Variants in MIR2052HG observed in about 807,000 individuals in gnomAD.
MIR2052HG encodes the protein MIR2052 host gene.
At chr8:74,742,829 A>C (rs2128755882) in intron 4 of MIR2052HG, among the ~76,000 whole-genome samples, 1 of 152,216 alleles carries the variant, frequency 6.6e-6, no homozygotes, top group African/African-American at 2.4e-5. Flanking sequence ...AGATGGTTGA[A>C]CTCATGACAT....
At chr8:74,725,138 A>G (rs2128754359) in intron 4 of MIR2052HG, among the ~76,000 whole-genome samples, 1 of 152,348 alleles carries the variant, frequency 6.6e-6, no homozygotes, top group South Asian at 2.1e-4. Flanking sequence ...AAAAGGTATT[A>G]AAAAGTAACA....
At chr8:74,748,934 GT>G (rs1809915012) in intron 4 of MIR2052HG, among the ~76,000 whole-genome samples, 1 of 152,154 alleles carries the variant, frequency 6.6e-6, no homozygotes, top group African/African-American at 2.4e-5. Context: ...GGCTTGTTGA[GT>G]TTTACAAAGT....
intron 2 of MIR2052HG, among the ~76,000 whole-genome samples, chr8:74,680,957 G>GC (rs1809117397): frequency 6.8e-6 from 1 of 147,596 alleles, no homozygotes; most frequent in Admixed American, 6.8e-5. Flanking sequence ...GTAAACTATC[G>GC]CAAGAACAAA....
In MIR2052HG at chr8:74,645,687, C is replaced by T. The variant is rs114394186; in HGVS notation, n.216+32747C>T. ...ATTGACTTGAAACTTAAAGCCCAAA[C>T]GGGTTTACTGGTAGCAGAATTATCT... On this transcript the variant is annotated intron_variant and non_coding_transcript_variant, in intron 2 of 6. Coordinates refer to ENST00000523442, the Ensembl canonical transcript of MIR2052HG. Among the ~76,000 whole-genome samples, 903 of 152,310 alleles carry T rather than the reference C, an allele frequency of 5.9e-3. 9 individuals carry two copies. Among genetic ancestry groups the T allele is most frequent in the African/African-American group, 0.02 (827 of 41,562 alleles).
intron 2 of MIR2052HG, among the ~76,000 whole-genome samples, chr8:74,690,021 C>T (rs990978561): frequency 5.3e-5 from 8 of 151,728 alleles, no homozygotes; most frequent in Non-Finnish European, 1.0e-4. Flanking sequence ...AGAAGAGCAC[C>T]AGAAAATAAG....
At chr8:74,638,802 G>A (rs539393292) in intron 2 of MIR2052HG, among the ~76,000 whole-genome samples, 1 of 152,272 alleles carries the variant, frequency 6.6e-6, no homozygotes, top group South Asian at 2.1e-4. Flanking sequence ...GAACTAAGTG[G>A]CGAACTAAGT....
At chr8:74,685,398 G>A (rs1348831455) in intron 2 of MIR2052HG, among the ~76,000 whole-genome samples, 1 of 152,058 alleles carries the variant, frequency 6.6e-6, no homozygotes, top group Non-Finnish European at 1.5e-5. Flanking sequence ...GATCGCAGCT[G>A]GTTGCTTTAT....
chr8:74,733,444 G>T (rs1341859455), intron 4 of MIR2052HG, among the ~76,000 whole-genome samples: 1 of 151,726 alleles, frequency 6.6e-6, no homozygotes, highest in Non-Finnish European at 1.5e-5. Context: ...GTATTCCATG[G>T]TGTATATGTG....
chr8:74,712,009 C>T (rs1380902271), intron 4 of MIR2052HG, among the ~76,000 whole-genome samples: 2 of 152,100 alleles, frequency 1.3e-5, no homozygotes, highest in East Asian at 3.9e-4. Context: ...GTTAGTCCTC[C>T]ACCCTGAGAA....
chr8:74,718,571 T>A (rs1388952915), intron 4 of MIR2052HG, among the ~76,000 whole-genome samples: 1 of 152,150 alleles, frequency 6.6e-6, no homozygotes, highest in Non-Finnish European at 1.5e-5. Context: ...CACAAACTGA[T>A]GTGCAGAACT....
At chr8:74,657,278 G>T (rs1808816831) in intron 2 of MIR2052HG, among the ~76,000 whole-genome samples, 1 of 152,226 alleles carries the variant, frequency 6.6e-6, no homozygotes, top group Admixed American at 6.5e-5. Flanking sequence ...AGTCTGGGGA[G>T]TGAGGATGGG....
chr8:74,682,249 G>A (rs1809133752), intron 2 of MIR2052HG, among the ~76,000 whole-genome samples: 1 of 152,110 alleles, frequency 6.6e-6, no homozygotes, highest in South Asian at 2.1e-4. Context: ...TCAGGATATA[G>A]AAAAGTTTTT....
At position 74,731,672 on chromosome 8, in the gene MIR2052HG, A is replaced by G. The variant is rs75377323; in HGVS notation, n.372-20769A>G. 8.5e-3 allele frequency among the ~76,000 whole-genome samples: 1,300 copies of G among 152,242 alleles called. 17 individuals carry two copies. The highest frequency in any genetic ancestry group is 0.029 in the African/African-American group (1,217 of 41,528). The stretch of plus-strand genomic sequence containing the variant: ...GAATGGATGGTGTGTCTATCATTCT[A>G]CAAGACATAGTGTATTTATTAAGTT... On this transcript the variant is annotated intron_variant and non_coding_transcript_variant, in intron 4 of 6. Coordinates refer to ENST00000523442, the Ensembl canonical transcript of MIR2052HG.
intron 1 of MIR2052HG, among the ~76,000 whole-genome samples, chr8:74,602,854 T>TTTCG (rs1808034301): frequency 6.9e-6 from 1 of 144,504 alleles, no homozygotes; most frequent in Admixed American, 7.0e-5. Context: ...TCTTTCTTTC[T>TTTCG]TTCTTTCTTT....
intron 4 of MIR2052HG, among the ~76,000 whole-genome samples, chr8:74,724,126 C>A (rs1809609796): frequency 6.6e-6 from 1 of 152,058 alleles, no homozygotes; most frequent in Non-Finnish European, 1.5e-5. Context: ...GGCCTCGTTT[C>A]ATTTCAAAAG....
chr8:74,615,137 G>C (rs566683674), intron 2 of MIR2052HG: 101 of 152,296 alleles, frequency 6.6e-4, no homozygotes, highest in African/African-American at 2.2e-3. Context: ...TCAGAGAAGA[G>C]AGGTAAGGAA....
chr8:74,673,910 T>TATAC (rs1485340799), intron 2 of MIR2052HG, among the ~76,000 whole-genome samples: 15 of 133,224 alleles, frequency 1.1e-4, no homozygotes, highest in South Asian at 2.3e-4. Context: ...TATATATATA[T>TATAC]ACACACACAA....
chr8:74,669,850 C>T (rs112411954), intron 2 of MIR2052HG, among the ~76,000 whole-genome samples: 35 of 152,274 alleles, frequency 2.3e-4, no homozygotes, highest in African/African-American at 7.0e-4. Context: ...TTACACCACT[C>T]GTTAGTCTTA....
chr8:74,679,971 T>C (rs888593922), intron 2 of MIR2052HG, among the ~76,000 whole-genome samples: 7 of 152,144 alleles, frequency 4.6e-5, no homozygotes, highest in Admixed American at 4.6e-4. Context: ...AGACAAGAGG[T>C]AAACGTAAAA....
Sources: gnomAD v4.1 joint callset for allele counts (sites outside exome capture counted in the v4.1 genomes callset) on GRCh38, gnomAD v4.1.1 for gene constraint, MANE v1.5 for transcripts, NCBI Gene and HGNC (gene_info 2026-07-23, HGNC 2026-07-21) for gene names.